Variants in AKAP17A observed in about 807,000 individuals in gnomAD.
The protein encoded by AKAP17A is A-kinase anchor protein 17A.
Under a neutral mutation model 52.2 loss-of-function variants are expected in AKAP17A, and 15 were observed. That is an observed-to-expected ratio of 0.29 (90% CI 0.19 to 0.44). AKAP17A has a LOEUF of 0.44. Among genes scored for constraint, AKAP17A ranks in the 20% least tolerant of loss-of-function variants. The pLI is 1.00. For missense variants in AKAP17A, 1,060 were observed against 1,007.0 expected, an observed-to-expected ratio of 1.05 and a Z score of -0.71; for synonymous variants, 514 against 424.7, an observed-to-expected ratio of 1.21 and a Z score of -2.58.
In AKAP17A at chrX:1,601,901, A is replaced by T; in HGVS notation, c.*307A>T. On this transcript the variant is annotated 3_prime_UTR_variant, in exon 5 of 5. Transcript: ENST00000313871. ...ATTGCACAGACCGACAGTCGTGAGG[A>T]TGGCAGAGCTGCTGCATTCCCCCAC... 2.9e-6 allele frequency: 1 copy of T among 340,272 alleles called. No homozygotes were observed. Among genetic ancestry groups the T allele is most frequent in the Non-Finnish European group, 5.3e-6 (1 of 188,632 alleles). 21.1% of individuals were successfully genotyped at this position (340,272 alleles called of 1,614,324 possible).
Position 1,599,219 on chromosome X carries a change from G to C in AKAP17A, c.939G>C (p.Glu313Asp). ...AACAAAAGGAGCTGGAAGAGCTGGA[G>C]CGAGAGAGGAAAAGAGAAGAGAAGC... ...ERKQKELEEL[E>D]RERKREEKLR... Residue 313 changes from glutamate (E) to aspartate (D), a missense_variant, in exon 4 of 5, where the codon GAG (glutamate) becomes GAC (aspartate). By Grantham distance (45) the Glu-to-Asp change is conservative. Transcript: ENST00000313871. 2 of 1,612,434 alleles carry C rather than the reference G, an allele frequency of 1.2e-6. No homozygotes were observed. The highest frequency in any genetic ancestry group is 1.7e-6 in the Non-Finnish European group (2 of 1,179,844).
rs769479743 is a variant in AKAP17A, at chrX:1,593,308, A to G, written c.-19-136A>G. 3.5e-6 allele frequency: 3 copies of G among 854,322 alleles called. No homozygotes were observed. The East Asian group carries it at 7.3e-5, about 21-fold the overall frequency. 52.9% of individuals were successfully genotyped at this position (854,322 alleles called of 1,614,324 possible). ...TGAGATGGCTGTTAACAAAGTGGAA[A>G]CCGGTCTCTGACACGGCAGAGAGAC... On this transcript the variant is annotated intron_variant, in intron 1 of 4. Transcript: ENST00000313871.
chrX:1,594,374 T>G, intron 2 of AKAP17A, 150 bp downstream of exon 2: 1 of 946,358 alleles, frequency 1.1e-6, no homozygotes, highest in Non-Finnish European at 1.5e-6. Context: ...CCTGTCCAAT[T>G]TCAGAGGCAC....
chrX:1,596,118 A>C (rs1932964132), intron 3 of AKAP17A, among the ~76,000 whole-genome samples: 1 of 151,650 alleles, frequency 6.6e-6, no homozygotes, highest in African/African-American at 2.4e-5. Context: ...CATGCTGTTC[A>C]CACCTCCCGC....
At chrX:1,598,886 G>T (rs1350597450) in intron 3 of AKAP17A, among the ~76,000 whole-genome samples, 1 of 152,182 alleles carries the variant, frequency 6.6e-6, no homozygotes. Context: ...CTGCCCATCC[G>T]TCTTTCCCCT....
At chrX:1,597,265 G>A (rs1421260716) in intron 3 of AKAP17A, among the ~76,000 whole-genome samples, 1 of 152,188 alleles carries the variant, frequency 6.6e-6, no homozygotes, top group Non-Finnish European at 1.5e-5. Flanking sequence ...CGGGTTGTCA[G>A]CCTCTGAATC....
At chrX:1,597,375 C>T (rs1282730473) in intron 3 of AKAP17A, among the ~76,000 whole-genome samples, 1 of 152,130 alleles carries the variant, frequency 6.6e-6, no homozygotes, top group South Asian at 2.1e-4. Context: ...ATTCCCAGGA[C>T]CTAAGGCAGG....
At chrX:1,597,184 A>G (rs1167477432) in intron 3 of AKAP17A, among the ~76,000 whole-genome samples, 2 of 151,708 alleles carry the variant, frequency 1.3e-5, no homozygotes, top group Admixed American at 1.3e-4. Flanking sequence ...CCGGCACTGA[A>G]CTCCTGGGAG....
At chrX:1,596,587 C>T (rs1234529895) in intron 3 of AKAP17A, among the ~76,000 whole-genome samples, 1 of 134,332 alleles carries the variant, frequency 7.4e-6, no homozygotes, top group Non-Finnish European at 1.6e-5. Flanking sequence ...CCTCCTCCTC[C>T]TCCATCCCTC....
chrX:1,592,200 T>G (rs1932850316), intron 1 of AKAP17A, among the ~76,000 whole-genome samples: 2 of 149,174 alleles, frequency 1.3e-5, no homozygotes, highest in African/African-American at 5.0e-5. Context: ...GCTGGGGCGG[T>G]GCTGTGTAGG....
intron 4 of AKAP17A, chrX:1,600,351 G>T (rs1448915182): frequency 3.0e-6 from 2 of 661,488 alleles, no homozygotes; most frequent in Non-Finnish European, 5.0e-6. Flanking sequence ...CAACGTGGTG[G>T]GGCTCCCGGC....
chrX:1,601,451 T>G lies in AKAP17A; in HGVS notation c.1945T>G (p.Ser649Ala). ...TSPDHTRSRR[S>A]HSKDRHRRER... Reference sequence around the variant, plus strand: ...CCCGGACCACACCCGGTCCCGGAGGTCCCACAGCAAAGACAGGCACCGGAG... The same window carrying G: ...CCCGGACCACACCCGGTCCCGGAGGGCCCACAGCAAAGACAGGCACCGGAG... Residue 649 changes from serine (S) to alanine (A), a missense_variant, in exon 5 of 5, where the codon TCC (serine) becomes GCC (alanine). Ser to Ala is a moderately conservative substitution (Grantham distance 99, BLOSUM62 1). Coordinates refer to ENST00000313871, the MANE Select transcript of AKAP17A (RefSeq NM_005088.3). 6.4e-7 allele frequency: 1 copy of G among 1,572,832 alleles called. No individual in the cohort carries two copies. Among genetic ancestry groups the G allele is most frequent in the Non-Finnish European group, 8.6e-7 (1 of 1,167,196 alleles).
At chrX:1,597,144 T>C (rs1933042859) in intron 3 of AKAP17A, among the ~76,000 whole-genome samples, 1 of 152,174 alleles carries the variant, frequency 6.6e-6, no homozygotes. Flanking sequence ...CGTGTTGATG[T>C]GTGTGGCTGG....
At chrX:1,599,507 G>C in intron 4 of AKAP17A, 75 bp downstream of exon 4, 1 of 1,543,748 alleles carries the variant, frequency 6.5e-7, no homozygotes, top group Non-Finnish European at 8.8e-7. Flanking sequence ...AATGCGGGCG[G>C]CGTCACGGCG....
chrX:1,594,113 C>T lies in AKAP17A; in HGVS notation c.651C>T (p.Ala217=), dbSNP rs1367055400. The T allele has an allele frequency of 7.4e-6, 12 of 1,613,628 alleles. No individual in the cohort carries two copies. The highest frequency in any genetic ancestry group is 1.0e-5 in the Non-Finnish European group (12 of 1,179,746). The change falls in exon 2 of 5, where the codon GCC becomes GCT. Residue 217 remains alanine, a synonymous_variant. Coordinates refer to ENST00000313871, the MANE Select transcript of AKAP17A (RefSeq NM_005088.3). ...TCGGGGGGCACTTGAACTTCGAGGCCTATGTGCAGTACCGCGAGTACATGG... is the reference window on the plus strand; with the variant it reads ...TCGGGGGGCACTTGAACTTCGAGGCTTATGTGCAGTACCGCGAGTACATGG... ...FSFGGHLNFE[A]YVQYREYMGF... is the part of the protein sequence containing the mutation.
chrX:1,599,619 T>A (rs1340356206), intron 4 of AKAP17A, 187 bp downstream of exon 4: 6 of 867,746 alleles, frequency 6.9e-6, no homozygotes, highest in African/African-American at 6.7e-5. Context: ...TCGTTCCCGA[T>A]GATTTCAGAG....
At chrX:1,594,429 T>C (rs1209997208) in intron 2 of AKAP17A, among the ~76,000 whole-genome samples, 3 of 151,740 alleles carry the variant, frequency 2.0e-5, no homozygotes, top group Non-Finnish European at 4.4e-5. Context: ...TTTTGGAAAT[T>C]TGGTATCTTA....
At chrX:1,597,435 G>A (rs1465068706) in intron 3 of AKAP17A, among the ~76,000 whole-genome samples, 5 of 152,264 alleles carry the variant, frequency 3.3e-5, no homozygotes, top group African/African-American at 1.2e-4. Flanking sequence ...CTGCTGCGTC[G>A]CCATCCTGGG....
At chrX:1,595,241 C>T (rs112387445) in intron 2 of AKAP17A, 143 bp from the exon 3 acceptor site, 39,848 of 222,228 alleles carry the variant, frequency 0.18, 11,454 homozygotes, top group Middle Eastern at 0.31. Flanking sequence ...GGGTCTGCAC[C>T]GGACATGAGT....
Sources: gnomAD v4.1 joint callset for allele counts (sites outside exome capture counted in the v4.1 genomes callset) on GRCh38, gnomAD v4.1.1 for gene constraint, MANE v1.5 for transcripts, NCBI Gene and HGNC (gene_info 2026-07-23, HGNC 2026-07-21) for gene names.